Variants in LHFPL3 observed in about 807,000 individuals in gnomAD.
The protein encoded by LHFPL3 is LHFPL tetraspan subfamily member 3 protein.
Under a neutral mutation model 19.3 loss-of-function variants are expected in LHFPL3, and 5 were observed. The observed-to-expected ratio is 0.26, with a 90% CI of 0.14 to 0.54. LHFPL3 has a LOEUF of 0.54. Ranked by LOEUF, LHFPL3 falls within the 20% of genes least tolerant of loss-of-function variation. LHFPL3 has a pLI of 0.94. For missense variants in LHFPL3, 249 were observed against 307.4 expected, an observed-to-expected ratio of 0.81 and a Z score of 1.42; for synonymous variants, 133 against 126.2, an observed-to-expected ratio of 1.05 and a Z score of -0.36.
At chr7:104,513,940 C>T (rs891935003) in intron 1 of LHFPL3, among the ~76,000 whole-genome samples, 2 of 151,816 alleles carry the variant, frequency 1.3e-5, no homozygotes, top group African/African-American at 2.4e-5. Flanking sequence ...ACTGACAGGA[C>T]AGGGTCAAGG....
chr7:104,655,697 G>A (rs11766478), intron 1 of LHFPL3, among the ~76,000 whole-genome samples: 5,902 of 152,164 alleles, frequency 0.039, 135 homozygotes, highest in Middle Eastern at 0.051. Context: ...TCTTGCAGTG[G>A]GATTTTAACT....
At chr7:104,885,531 C>G (rs1030770490) in intron 2 of LHFPL3, among the ~76,000 whole-genome samples, 12 of 152,304 alleles carry the variant, frequency 7.9e-5, no homozygotes, top group Non-Finnish European at 1.6e-4. Context: ...CAGATACACA[C>G]ACACACACAT....
chr7:104,774,514 A>G (rs1794610381), intron 2 of LHFPL3, among the ~76,000 whole-genome samples: 1 of 152,258 alleles, frequency 6.6e-6, no homozygotes, highest in Non-Finnish European at 1.5e-5. Context: ...CCATTTGGCT[A>G]TACACCTTCA....
chr7:104,887,468 A>C (rs929010565), intron 2 of LHFPL3, among the ~76,000 whole-genome samples: 3 of 152,234 alleles, frequency 2.0e-5, no homozygotes, highest in African/African-American at 7.2e-5. Flanking sequence ...CTGAGATTCC[A>C]GGGGCAAGGG....
At chr7:104,709,302 G>C (rs1242028704) in intron 1 of LHFPL3, among the ~76,000 whole-genome samples, 2 of 142,828 alleles carry the variant, frequency 1.4e-5, no homozygotes, top group African/African-American at 5.1e-5. Flanking sequence ...CAGGGTCATA[G>C]GACAATAGTG....
chr7:104,510,656 C>T (rs1489970781), intron 1 of LHFPL3, among the ~76,000 whole-genome samples: 4 of 151,916 alleles, frequency 2.6e-5, no homozygotes, highest in Non-Finnish European at 5.9e-5. Flanking sequence ...ACATAAAAAA[C>T]ACAGTGCATA....
chr7:104,383,558 T>C (rs1008076113), intron 1 of LHFPL3, among the ~76,000 whole-genome samples: 6 of 152,212 alleles, frequency 3.9e-5, no homozygotes, highest in Admixed American at 1.3e-4. Flanking sequence ...CTGGCTTCTC[T>C]TTCAAGGTGA....
intron 2 of LHFPL3, among the ~76,000 whole-genome samples, chr7:104,783,680 T>G (rs1789857125): frequency 6.6e-6 from 1 of 152,176 alleles, no homozygotes; most frequent in South Asian, 2.1e-4. Flanking sequence ...ACCCCAAAGA[T>G]ATACACTGTT....
intron 1 of LHFPL3, among the ~76,000 whole-genome samples, chr7:104,430,841 A>G (rs1039885221): frequency 6.6e-6 from 1 of 151,274 alleles, no homozygotes; most frequent in Non-Finnish European, 1.5e-5. Context: ...TCCCTCCTCC[A>G]CCCCATCTTT....
intron 1 of LHFPL3, among the ~76,000 whole-genome samples, chr7:104,407,992 T>G (rs578096658): frequency 7.2e-5 from 11 of 152,328 alleles, no homozygotes; most frequent in Middle Eastern, 3.4e-3. Context: ...ACTTTAGAAC[T>G]GCAATTAGAC....
chr7:104,543,545 A>C (rs534114718), intron 1 of LHFPL3, among the ~76,000 whole-genome samples: 32 of 152,164 alleles, frequency 2.1e-4, no homozygotes, highest in African/African-American at 7.0e-4. Flanking sequence ...CTGGATTAAG[A>C]AAATGTGGCA....
At chr7:104,811,150 T>C (rs1379052243) in intron 2 of LHFPL3, among the ~76,000 whole-genome samples, 14 of 132,410 alleles carry the variant, frequency 1.1e-4, no homozygotes, top group African/African-American at 3.7e-4. Flanking sequence ...CTTTCTTTCT[T>C]TTTCTTTCTT....
chr7:104,587,125 G>T (rs779692057), intron 1 of LHFPL3, among the ~76,000 whole-genome samples: 1 of 150,982 alleles, frequency 6.6e-6, no homozygotes, highest in Non-Finnish European at 1.5e-5. Context: ...ATGTATTTAT[G>T]TATTTTTATT....
chr7:104,419,357 T>C (rs1791683921), intron 1 of LHFPL3, among the ~76,000 whole-genome samples: 1 of 152,112 alleles, frequency 6.6e-6, no homozygotes, highest in African/African-American at 2.4e-5. Flanking sequence ...TAATAGAATC[T>C]CCTTAATTAT....
intron 1 of LHFPL3, among the ~76,000 whole-genome samples, chr7:104,354,361 C>A (rs115779568): frequency 1.3e-5 from 2 of 152,204 alleles, no homozygotes; most frequent in Non-Finnish European, 1.5e-5. Context: ...ATCTTGTACA[C>A]ATTCTTTGAT....
intron 1 of LHFPL3, among the ~76,000 whole-genome samples, chr7:104,565,835 C>T (rs940133210): frequency 6.6e-6 from 1 of 151,960 alleles, no homozygotes; most frequent in Admixed American, 6.6e-5. Flanking sequence ...ACCTATCACT[C>T]CAAATGTTCG....
At chr7:104,758,188 C>T (rs1794316991) in intron 2 of LHFPL3, among the ~76,000 whole-genome samples, 1 of 152,008 alleles carries the variant, frequency 6.6e-6, no homozygotes, top group Non-Finnish European at 1.5e-5. Flanking sequence ...ACTGGGGACT[C>T]CTGGAGGAGG....
chr7:104,548,951 C>T (rs1018272327), intron 1 of LHFPL3, among the ~76,000 whole-genome samples: 4 of 152,084 alleles, frequency 2.6e-5, no homozygotes, highest in Non-Finnish European at 4.4e-5. Context: ...TGTGTAGCCT[C>T]TAAGGGATTC....
chr7:104,329,422 C>A (rs991049710), intron 1 of LHFPL3, among the ~76,000 whole-genome samples, 198 bp downstream of exon 1: 1 of 152,228 alleles, frequency 6.6e-6, no homozygotes, highest in Non-Finnish European at 1.5e-5. Context: ...GCTGGCGCCT[C>A]GTCCCGGGGC....
Sources: allele counts gnomAD v4.1 joint callset (sites outside exome capture counted in the v4.1 genomes callset), GRCh38; gene constraint gnomAD v4.1.1; transcripts MANE v1.5; gene names NCBI Gene and HGNC (gene_info 2026-07-23, HGNC 2026-07-21).